The following NRXN3 variants were observed in gnomAD, a reference collection of about 807,000 sequenced individuals.
NRXN3 encodes the protein neurexin 3.
Under a neutral mutation model 137.6 loss-of-function variants are expected in NRXN3, and 32 were observed. That is an observed-to-expected ratio of 0.23 (90% CI 0.18 to 0.31). NRXN3 has a LOEUF of 0.31. NRXN3 is among the 10% of genes least tolerant of loss of function. The pLI, the probability that NRXN3 is intolerant of heterozygous loss-of-function variation, is 1.00. For synonymous variants in NRXN3, 798 were observed against 784.5 expected, an observed-to-expected ratio of 1.02 and a Z score of -0.29; for missense variants, 1,574 against 2,062.5, an observed-to-expected ratio of 0.76 and a Z score of 4.59.
At position 79,097,965 on chromosome 14, in the gene NRXN3, A is replaced by G. The variant is rs1414532345; in HGVS notation, c.3262+109824A>G. 2.0e-5 allele frequency among the ~76,000 whole-genome samples: 3 copies of G among 152,148 alleles called. No homozygotes were observed. In the East Asian group the frequency reaches 5.8e-4, roughly 29 times the overall value. On this transcript the variant is annotated intron_variant, in intron 15 of 20. Coordinates refer to ENST00000335750, the MANE Select transcript of NRXN3 (RefSeq NM_001330195.2). ...TTGTTTGGGCTTATATTAGTCTCCTACAGCTGCCTCTCGGGAAGGGATACC... is the reference window on the plus strand; with the variant it reads ...TTGTTTGGGCTTATATTAGTCTCCTGCAGCTGCCTCTCGGGAAGGGATACC...
chr14:78,900,603 A>G (rs2152740703), intron 10 of NRXN3, among the ~76,000 whole-genome samples: 1 of 152,058 alleles, frequency 6.6e-6, no homozygotes, highest in Admixed American at 6.6e-5. Context: ...TAATGTCATT[A>G]AAATTTTTAC....
rs549706623 is a variant in NRXN3, at chr14:78,687,468, A to T, written c.1222-21749A>T. The stretch of plus-strand genomic sequence containing the variant: ...TTTGGAGGTAGAGTCAACAGGATTT[A>T]TTGATGAATTGTACATTGAGTATGC... On this transcript the variant is annotated intron_variant, in intron 6 of 20. Transcript: ENST00000335750. Among the ~76,000 whole-genome samples, 9 of 152,326 alleles carry T rather than the reference A, an allele frequency of 5.9e-5. No homozygotes were observed. The East Asian group carries it at 1.7e-3, about 29-fold the overall frequency.
intron 15 of NRXN3, among the ~76,000 whole-genome samples, chr14:79,324,589 A>G (rs2153276333): frequency 6.6e-6 from 1 of 152,270 alleles, no homozygotes; most frequent in Admixed American, 6.5e-5. Flanking sequence ...GAATTAGGAG[A>G]GTATGTCTGA....
chr14:79,122,633 C>A (rs1347482587), intron 15 of NRXN3, among the ~76,000 whole-genome samples: 2 of 152,180 alleles, frequency 1.3e-5, no homozygotes, highest in Non-Finnish European at 1.5e-5. Context: ...TAGAAAGAGG[C>A]CTTAACTTGG....
intron 10 of NRXN3, among the ~76,000 whole-genome samples, chr14:78,896,351 C>T (rs541617052): frequency 6.6e-6 from 1 of 151,936 alleles, no homozygotes; most frequent in East Asian, 1.9e-4. Context: ...GCATAAGAAG[C>T]TTATCTCTTC....
At position 79,340,627 on chromosome 14, in the gene NRXN3, G is replaced by C. The variant is rs148668558; in HGVS notation, c.3263-126594G>C. On this transcript the variant is annotated intron_variant, in intron 15 of 20. Coordinates refer to ENST00000335750, the MANE Select transcript of NRXN3 (RefSeq NM_001330195.2). The stretch of plus-strand genomic sequence containing the variant: ...ATTACAGGCATGCACCACCACGCCC[G>C]GCTAATTTTGTATTTTTAGCAGAGA... Among the ~76,000 whole-genome samples the C allele has an allele frequency of 6.3e-3, 965 of 152,132 alleles. 10 individuals are homozygous for C. Among genetic ancestry groups the C allele is most frequent in the African/African-American group, 0.022 (933 of 41,516 alleles).
At chr14:79,072,744 T>C (rs564236779) in intron 15 of NRXN3, among the ~76,000 whole-genome samples, 2 of 152,276 alleles carry the variant, frequency 1.3e-5, no homozygotes, top group South Asian at 4.1e-4. Context: ...CTTGCTGTTA[T>C]TGTTGCTGGA....
chr14:78,931,325 G>A (rs1176373052), intron 10 of NRXN3, among the ~76,000 whole-genome samples: 1 of 152,076 alleles, frequency 6.6e-6, no homozygotes, highest in Non-Finnish European at 1.5e-5. Flanking sequence ...ACATTTGAGT[G>A]CCTAAAATAT....
chr14:79,195,641 A>G (rs1212962651), intron 15 of NRXN3, among the ~76,000 whole-genome samples: 1 of 152,134 alleles, frequency 6.6e-6, no homozygotes, highest in Non-Finnish European at 1.5e-5. Flanking sequence ...ATACTTCCTC[A>G]CCCACCACAG....
chr14:78,679,420 T>G (rs952279787), intron 6 of NRXN3, among the ~76,000 whole-genome samples: 1 of 152,216 alleles, frequency 6.6e-6, no homozygotes, highest in African/African-American at 2.4e-5. Context: ...AATATTTATT[T>G]TTGTTGTTAT....
intron 19 of NRXN3, among the ~76,000 whole-genome samples, chr14:79,788,813 A>G (rs2099137049): frequency 6.6e-6 from 1 of 152,104 alleles, no homozygotes; most frequent in Non-Finnish European, 1.5e-5. Flanking sequence ...GGAGCATTTT[A>G]TTTTTCAGCC....
intron 10 of NRXN3, among the ~76,000 whole-genome samples, chr14:78,824,301 A>C (rs532346617): frequency 6.6e-6 from 1 of 152,050 alleles, no homozygotes; most frequent in Non-Finnish European, 1.5e-5. Flanking sequence ...GATTCTGTTC[A>C]TTCAGTCAAG....
intron 10 of NRXN3, among the ~76,000 whole-genome samples, chr14:78,881,990 C>T (rs1366534556): frequency 6.6e-6 from 1 of 151,684 alleles, no homozygotes; most frequent in East Asian, 1.9e-4. Context: ...GTCCCAGCTG[C>T]TCCAGCCATG....
intron 4 of NRXN3, among the ~76,000 whole-genome samples, chr14:78,361,083 G>A (rs2085043551): frequency 6.6e-6 from 1 of 152,132 alleles, no homozygotes; most frequent in Non-Finnish European, 1.5e-5. Flanking sequence ...TTTTAACATG[G>A]CCAATAAGAA....
chr14:78,600,019 T>A (rs955184942), intron 4 of NRXN3, among the ~76,000 whole-genome samples: 8 of 152,268 alleles, frequency 5.3e-5, no homozygotes, highest in Admixed American at 5.2e-4. Flanking sequence ...GAAGCACCAC[T>A]ATAAACTGGG....
intron 6 of NRXN3, among the ~76,000 whole-genome samples, chr14:78,668,077 C>T (rs1025459880): frequency 3.3e-5 from 5 of 152,166 alleles, no homozygotes; most frequent in African/African-American, 4.8e-5. Flanking sequence ...TGAGCCACCG[C>T]GCCTGACCAA....
At chr14:79,451,562 G>A (rs1211849679) in intron 15 of NRXN3, among the ~76,000 whole-genome samples, 2 of 152,178 alleles carry the variant, frequency 1.3e-5, no homozygotes, top group Non-Finnish European at 2.9e-5. Flanking sequence ...GAGATAATGT[G>A]TTCACCTGTT....
chr14:79,699,505 G>A (rs1245997132), intron 19 of NRXN3, among the ~76,000 whole-genome samples: 1 of 151,944 alleles, frequency 6.6e-6, no homozygotes, highest in Non-Finnish European at 1.5e-5. Flanking sequence ...ATGATTTAAT[G>A]TTACACGGGG....
At position 78,958,738 on chromosome 14, in the gene NRXN3, G is replaced by T. The variant is rs1470115837; in HGVS notation, c.2395+1377G>T. Among the ~76,000 whole-genome samples, 6 of 152,310 alleles carry T rather than the reference G, an allele frequency of 3.9e-5. No individual in the cohort carries two copies. The East Asian group carries it at 9.6e-4, about 24-fold the overall frequency. On this transcript the variant is annotated intron_variant, in intron 11 of 20. Transcript: ENST00000335750. ...TGAAGCAGAATTCTTATCCATATGG[G>T]AAAGAAGATTTGGGGCAGCATGGGG...
Sources: gnomAD v4.1 joint callset for allele counts (sites outside exome capture counted in the v4.1 genomes callset) on GRCh38, gnomAD v4.1.1 for gene constraint, MANE v1.5 for transcripts, NCBI Gene and HGNC (gene_info 2026-07-23, HGNC 2026-07-21) for gene names.